Variants in SLC27A2 observed in about 807,000 individuals in gnomAD.
SLC27A2 encodes solute carrier family 27 member 2.
SLC27A2 carries 54 observed loss-of-function variants against 60.0 expected under a neutral mutation model. The ratio of observed to expected loss-of-function variants is 0.90; its 90% CI spans 0.72 to 1.13. SLC27A2 has a LOEUF of 1.13. SLC27A2 is among the 50% of genes most tolerant of loss of function. The pLI is 0.00. For synonymous variants in SLC27A2, 297 were observed against 297.6 expected, an observed-to-expected ratio of 1.00 and a Z score of 0.02; for missense variants, 739 against 777.6, an observed-to-expected ratio of 0.95 and a Z score of 0.59.
intron 4 of SLC27A2, among the ~76,000 whole-genome samples, chr15:50,211,507 A>G (rs1416661418): frequency 6.6e-6 from 1 of 152,192 alleles, no homozygotes; most frequent in African/African-American, 2.4e-5. Context: ...CTTCCATCTG[A>G]CAGAGCCTAC....
chr15:50,228,786 G>C (rs2045294470), intron 7 of SLC27A2, among the ~76,000 whole-genome samples, 159 bp from the exon 8 acceptor site: 1 of 152,150 alleles, frequency 6.6e-6, no homozygotes, highest in Non-Finnish European at 1.5e-5. Context: ...CCTCAAACAA[G>C]ATACCCCGGC....
intron 1 of SLC27A2, among the ~76,000 whole-genome samples, chr15:50,197,170 T>A (rs1373852665): frequency 9.2e-4 from 4 of 4,366 alleles, no homozygotes; most frequent in Non-Finnish European, 5.3e-3. Context: ...ATCCTGTGAT[T>A]TTTTTTTTCA....
At chr15:50,234,640 T>G (rs1314723116) in intron 9 of SLC27A2, among the ~76,000 whole-genome samples, 1 of 150,488 alleles carries the variant, frequency 6.6e-6, no homozygotes, top group East Asian at 1.9e-4. Flanking sequence ...GCACTTGTAG[T>G]CTCATCTACG....
chr15:50,203,469 G>A (rs887078629), intron 3 of SLC27A2, among the ~76,000 whole-genome samples: 1 of 152,092 alleles, frequency 6.6e-6, no homozygotes, highest in Non-Finnish European at 1.5e-5. Context: ...CCTTCCAGGA[G>A]GATTCATGTC....
Position 50,182,519 on chromosome 15 carries a change from G to T in SLC27A2, c.92G>T (p.Gly31Val). Reference protein sequence around the residue: ...LCCPYFFQDIGYFLKVAAVGR... With the variant: ...LCCPYFFQDIVYFLKVAAVGR... The stretch of plus-strand genomic sequence containing the variant: ...TGCCCATACTTCTTCCAGGACATAG[G>T]CTACTTCTTGAAGGTGGCCGCCGTG... The change falls in exon 1 of 10, where the codon GGC (glycine) becomes GTC (valine). Residue 31 changes from glycine (G) to valine (V), a missense_variant. By Grantham distance (109) the Gly-to-Val change is moderately radical. Transcript: ENST00000267842. 6.2e-7 allele frequency: 1 copy of T among 1,612,388 alleles called. No individual in the cohort carries two copies. The highest frequency in any genetic ancestry group is 8.5e-7 in the Non-Finnish European group (1 of 1,179,318).
chr15:50,213,867 CACAA>C (rs1382079291), intron 4 of SLC27A2, among the ~76,000 whole-genome samples: 3 of 151,884 alleles, frequency 2.0e-5, no homozygotes, highest in East Asian at 1.9e-4. Flanking sequence ...ACTGAAAGAG[CACAA>C]ACAGACAATC....
At chr15:50,212,123 A>G (rs2045162616) in intron 4 of SLC27A2, among the ~76,000 whole-genome samples, 1 of 151,706 alleles carries the variant, frequency 6.6e-6, no homozygotes, top group South Asian at 2.1e-4. Context: ...AATTCAGGAA[A>G]CTTTGGACAC....
chr15:50,185,085 C>G (rs777681609), intron 1 of SLC27A2, among the ~76,000 whole-genome samples: 1 of 152,158 alleles, frequency 6.6e-6, no homozygotes, highest in East Asian at 1.9e-4. Context: ...TATCCCAGGT[C>G]CCCTGAGAGG....
rs577766814 is a variant in SLC27A2 at position 50,183,994 on chromosome 15, C to CTTTTTTTTTTTTTTT, written c.478+1093_478+1107dup. 1.2e-3 allele frequency among the ~76,000 whole-genome samples: 110 copies of CTTTTTTTTTTTTTTT among 91,166 alleles called. 16 individuals are homozygous for CTTTTTTTTTTTTTTT. Among genetic ancestry groups the CTTTTTTTTTTTTTTT allele is most frequent in the South Asian group, 1.7e-3 (4 of 2,362 alleles). 59.8% of individuals were successfully genotyped at this position (91,166 alleles called of 152,430 possible). A position where few individuals can be genotyped will look rare whatever the true frequency, so the allele number is the denominator to read the frequency against. On this transcript the variant is annotated intron_variant, in intron 1 of 9. Transcript: ENST00000267842. ...TTCGAAGCCATGCTCTTTCCTACAT[C>CTTTTTTTTTTTTTTT]TTTTTTTTTTTTTTTTTTGACAGTC...
chr15:50,229,383 G>C (rs1219064599), intron 8 of SLC27A2, among the ~76,000 whole-genome samples: 1 of 152,224 alleles, frequency 6.6e-6, no homozygotes, highest in African/African-American at 2.4e-5. Flanking sequence ...TGAACTAGGA[G>C]GCAAAAAGAA....
In SLC27A2 at chr15:50,230,842, G is replaced by C. The variant is rs562511370; in HGVS notation, c.1555+1800G>C. Among the ~76,000 whole-genome samples the C allele has an allele frequency of 3.9e-5, 6 of 152,334 alleles. No homozygotes were observed. The East Asian group carries it at 1.2e-3, about 29-fold the overall frequency. On this transcript the variant is annotated intron_variant, in intron 8 of 9. Transcript: ENST00000267842. ...TCATACAAAAGAGTATGTGTGAGGT[G>C]AGAGAATCTAGAAGATGAAACAGAA...
chr15:50,182,600 C>A lies in SLC27A2; in HGVS notation c.173C>A (p.Ala58Glu). ...CGGCCGGCGCGCACCATCCTGCGGG[C>A]GTTCCTGGAGAAAGCGCGCCAGACG... ...KRRPARTILR[A>E]FLEKARQTPH... The change falls in exon 1 of 10, where the codon GCG becomes GAG. Residue 58 changes from alanine to glutamate, a missense_variant. Physicochemically the swap from Ala to Glu is moderately radical, Grantham distance 107. Coordinates refer to ENST00000267842, the MANE Select transcript of SLC27A2 (RefSeq NM_003645.4). The A allele has an allele frequency of 6.2e-7, 1 of 1,613,492 alleles. No homozygotes were observed. Among genetic ancestry groups the A allele is most frequent in the Non-Finnish European group, 8.5e-7 (1 of 1,179,674 alleles).
At chr15:50,187,319 A>G (rs949803697) in intron 1 of SLC27A2, among the ~76,000 whole-genome samples, 1 of 152,248 alleles carries the variant, frequency 6.6e-6, no homozygotes. Context: ...TGTTGTAACT[A>G]ATAAAAGCCA....
At chr15:50,232,877 A>G (rs933028020) in intron 8 of SLC27A2, among the ~76,000 whole-genome samples, 1 of 152,142 alleles carries the variant, frequency 6.6e-6, no homozygotes, top group African/African-American at 2.4e-5. Flanking sequence ...TAAACACACA[A>G]TCACCATAGG....
rs577766814 is a variant in SLC27A2, at chr15:50,183,994, C to CTTTTTTTTTTTTTTTTTTTTTTTTTTT, written c.478+1107_478+1108insTTTTTTTTTTTTTTTTTTTTTTTTTTT. Among the ~76,000 whole-genome samples the CTTTTTTTTTTTTTTTTTTTTTTTTTTT allele has an allele frequency of 6.6e-5, 6 of 91,168 alleles. 1 individual carries two copies. Among genetic ancestry groups the CTTTTTTTTTTTTTTTTTTTTTTTTTTT allele is most frequent in the Non-Finnish European group, 1.1e-4 (5 of 47,466 alleles). The allele number at this position is 91,168 out of a possible 152,430, so 59.8% of individuals were successfully genotyped here. On this transcript the variant is annotated intron_variant, in intron 1 of 9. Coordinates refer to ENST00000267842, the MANE Select transcript of SLC27A2 (RefSeq NM_003645.4). Reference sequence around the variant, plus strand: ...TTCGAAGCCATGCTCTTTCCTACATCTTTTTTTTTTTTTTTTTTGACAGTC... The same window carrying CTTTTTTTTTTTTTTTTTTTTTTTTTTT: ...TTCGAAGCCATGCTCTTTCCTACATCTTTTTTTTTTTTTTTTTTTTTTTTTTTTTTTTTTTTTTTTTTTTTGACAGTC...
chr15:50,207,159 T>A (rs964841999), intron 4 of SLC27A2, among the ~76,000 whole-genome samples: 5 of 152,156 alleles, frequency 3.3e-5, no homozygotes, highest in African/African-American at 1.2e-4. Flanking sequence ...TAATGGGAGC[T>A]TCCTTTGGAC....
At chr15:50,203,036 T>C (rs1200467210) in intron 3 of SLC27A2, among the ~76,000 whole-genome samples, 6 of 149,810 alleles carry the variant, frequency 4.0e-5, no homozygotes, top group African/African-American at 1.5e-4. Flanking sequence ...TATATATATA[T>C]ATATAGCCAG....
At chr15:50,189,271 C>G (rs1308565126) in intron 1 of SLC27A2, among the ~76,000 whole-genome samples, 7 of 152,092 alleles carry the variant, frequency 4.6e-5, no homozygotes, top group African/African-American at 1.7e-4. Context: ...CTCAAAGGTC[C>G]TCCTAATCAA....
intron 1 of SLC27A2, among the ~76,000 whole-genome samples, chr15:50,188,000 A>C (rs945686724): frequency 1.3e-5 from 2 of 151,428 alleles, no homozygotes; most frequent in African/African-American, 4.9e-5. Flanking sequence ...AGAGAGTCCC[A>C]ACAAGGTACA....
Sources: allele counts gnomAD v4.1 joint callset (sites outside exome capture counted in the v4.1 genomes callset), GRCh38; gene constraint gnomAD v4.1.1; transcripts MANE v1.5; gene names NCBI Gene and HGNC (gene_info 2026-07-23, HGNC 2026-07-21).